The following FASN variants were observed in gnomAD, a reference collection of about 807,000 sequenced individuals.
FASN encodes 3-hydroxyacyl-[acyl-carrier-protein] dehydratase.
In FASN, 50 loss-of-function variants were observed where a neutral mutation model predicts 250.0. The observed-to-expected ratio is 0.20, with a 90% confidence interval of 0.16 to 0.25. The LOEUF is 0.25. Ranked by LOEUF, FASN falls within the 10% of genes least tolerant of loss-of-function variation. The pLI, the probability that FASN is intolerant of heterozygous loss-of-function variation, is 1.00. For missense variants in FASN, 3,031 were observed against 3,498.5 expected (o/e 0.87, Z 3.37); for synonymous variants, 1,909 against 1,584.0 (o/e 1.21, Z -4.87).
rs375895861 is a variant in FASN at position 82,090,850 on chromosome 17, C to T, written c.1680+32G>A. 119 of 1,556,592 alleles carry T rather than the reference C, an allele frequency of 7.6e-5. No individual in the cohort carries two copies. In the East Asian group the frequency reaches 1.3e-3, roughly 17 times the overall value. ...GGGAAAGCCAGAGCCCTGGGGCTGG[C>T]GTTGCTCACACGCTGGCAGGCTGGG... On this transcript the variant is annotated intron_variant, in intron 10 of 42. Coordinates refer to ENST00000306749, the MANE Select transcript of FASN (RefSeq NM_004104.5).
Position 82,082,766 on chromosome 17 carries a change from G to C in FASN, c.5768-88C>G. The C allele has an allele frequency of 1.1e-5, 17 of 1,561,776 alleles. No homozygotes were observed. The South Asian group carries it at 1.6e-4, about 15-fold the overall frequency. On this transcript the variant is annotated intron_variant, in intron 33 of 42. Coordinates refer to ENST00000306749, the MANE Select transcript of FASN (RefSeq NM_004104.5). ...GCTGGGGAAGTGGGGAGCAGCCGCA[G>C]AGCCCCATCCAGCAAGCCCCCCACA...
intron 33 of FASN, 112 bp from the exon 34 acceptor site, chr17:82,082,790 C>T: frequency 1.9e-6 from 3 of 1,551,258 alleles, no homozygotes; most frequent in East Asian, 2.3e-5. Flanking sequence ...AAGCCCCCCA[C>T]AAGATGGAGG....
rs1346789622 is a variant in FASN, at chr17:82,086,558, C to T, written c.3428G>A (p.Gly1143Glu). The T allele has an allele frequency of 1.2e-6, 2 of 1,609,728 alleles. No individual in the cohort carries two copies. The highest frequency in any genetic ancestry group is 2.2e-5 in the East Asian group (1 of 44,876). Residue 1143 changes from glycine to glutamate, a missense_variant and splice_region_variant, in exon 22 of 43, where the codon GGG (glycine) becomes GAG (glutamate). Transcript: ENST00000306749. ...CTTGGTCTGCAGTGCCTGCACCAGCCCTGGGGAGGGAGGGAGGCAGGCCTG... is the reference window on the plus strand; with the variant it reads ...CTTGGTCTGCAGTGCCTGCACCAGCTCTGGGGAGGGAGGGAGGCAGGCCTG... ...ALQEELQLCKGLVQALQTKVT... is the reference protein window; with the variant it reads ...ALQEELQLCKELVQALQTKVT...
Position 82,084,866 on chromosome 17 carries a change from T to C in FASN, c.4497A>G (p.Gly1499=). 1 of 1,550,552 alleles carries C rather than the reference T, an allele frequency of 6.4e-7. No homozygotes were observed. The highest frequency in any genetic ancestry group is 8.7e-7 in the Non-Finnish European group (1 of 1,147,068). ...CGCGGTAGACGTTCATCACCAGGTCTCCCTGCAACACCTTCTGCAGTTCTG... is the reference window on the plus strand; with the variant it reads ...CGCGGTAGACGTTCATCACCAGGTCCCCCTGCAACACCTTCTGCAGTTCTG... The part of the protein sequence containing the change: ...GSAELQKVLQ[G]DLVMNVYRDG... The change falls in exon 26 of 43, where the codon GGA becomes GGG. Residue 1499 remains glycine (G), a synonymous_variant. Coordinates refer to ENST00000306749, the MANE Select transcript of FASN (RefSeq NM_004104.5).
In FASN at chr17:82,082,268, A is replaced by G. The variant is rs376999675; in HGVS notation, c.6011+55T>C. 249 of 1,606,952 alleles carry G rather than the reference A, an allele frequency of 1.5e-4. No individual in the cohort carries two copies. In the African/African-American group the frequency reaches 3.0e-3, roughly 19 times the overall value. On this transcript the variant is annotated intron_variant, in intron 35 of 42. Coordinates refer to ENST00000306749, the MANE Select transcript of FASN (RefSeq NM_004104.5). ...CTGTCAACAAACCACCTTGGCTCCCACGGCCCTGAGCCCAGAGCCCGGCAG... is the reference window on the plus strand; with the variant it reads ...CTGTCAACAAACCACCTTGGCTCCCGCGGCCCTGAGCCCAGAGCCCGGCAG...
intron 12 of FASN, 103 bp from the exon 13 acceptor site, chr17:82,089,487 T>A: frequency 6.3e-7 from 1 of 1,597,088 alleles, no homozygotes. Context: ...CGAGAGGGAA[T>A]GGGCAAGGGA....
rs746574947 is a variant in FASN at position 82,091,628 on chromosome 17, G to A, written c.1086C>T (p.Pro362=). The A allele has an allele frequency of 8.8e-6, 14 of 1,597,234 alleles. No homozygotes were observed. The highest frequency in any genetic ancestry group is 1.2e-5 in the Non-Finnish European group (14 of 1,173,624). Residue 362 remains proline, a synonymous_variant, in exon 9 of 43, where the codon CCC becomes CCT. Coordinates refer to ENST00000306749, the MANE Select transcript of FASN (RefSeq NM_004104.5). ...CCAACAGCGCTGGGATCTCAGGGTT[G>A]GGGCTATGGAAGTGCAGGTTGGGGG... ...LWAPNLHFHS[P]NPEIPALLDG...
Position 82,088,594 on chromosome 17 carries a change from C to T in FASN, c.2421-32G>A, listed in dbSNP as rs199978244. 294 of 1,596,170 alleles carry T rather than the reference C, an allele frequency of 1.8e-4. No homozygotes were observed. In the African/African-American group the frequency reaches 3.5e-3, roughly 19 times the overall value. On this transcript the variant is annotated intron_variant, in intron 15 of 42. Transcript: ENST00000306749. ...AGAAGGGAGGCATGGGTAGCACACC[C>T]GTCACCGGGGTCCAGGGGCTCTGGG...
intron 16 of FASN, 36 bp downstream of exon 16, chr17:82,088,354 G>C (rs1251688475): frequency 6.2e-7 from 1 of 1,611,124 alleles, no homozygotes; most frequent in Non-Finnish European, 8.5e-7. Context: ...TCTGTGGGGA[G>C]GGAAGAGTCT....
chr17:82,089,831 G>A, intron 11 of FASN, 105 bp from the exon 12 acceptor site: 8 of 985,772 alleles, frequency 8.1e-6, no homozygotes, highest in Non-Finnish European at 1.3e-5. Context: ...TGACAAGTGT[G>A]GTAATGGCAG....
At chr17:82,082,237 A>C (rs1415963037) in intron 35 of FASN, 77 bp from the exon 36 acceptor site, 1 of 1,602,822 alleles carries the variant, frequency 6.2e-7, no homozygotes, top group South Asian at 1.1e-5. Context: ...GAAACGCCAG[A>C]GAGGGCTGTC....
Position 82,079,079 on chromosome 17 carries a change from GGGGGT to G in FASN, c.*59_*63del, listed in dbSNP as rs1187942234. The G allele has an allele frequency of 1.0e-4, 155 of 1,492,214 alleles. No homozygotes were observed. The highest frequency in any genetic ancestry group is 3.5e-4 in the Admixed American group (18 of 50,992). The allele number at this position is 1,492,214 out of a possible 1,614,324, so 92.4% of individuals were successfully genotyped here. Reference sequence around the variant, plus strand: ...GGACCCTTCAATCCCGTTGCATGGCGGGGGTGGGGTGGGGTGGGGTGGGGATGGTG... The same window carrying G: ...GGACCCTTCAATCCCGTTGCATGGCGGGGGTGGGGTGGGGTGGGGATGGTG... On this transcript the variant is annotated 3_prime_UTR_variant, in exon 43 of 43. Transcript: ENST00000306749.
rs529587922 is a variant in FASN, at chr17:82,083,315, T to C, written c.5452A>G (p.Ile1818Val). Residue 1818 changes from isoleucine (I) to valine (V), a missense_variant, in exon 32 of 43, where the codon ATC becomes GTC. Coordinates refer to ENST00000306749, the MANE Select transcript of FASN (RefSeq NM_004104.5). Reference sequence around the variant, plus strand: ...AGGGGCCGTACCACCCCATCCCGGATGCCGGCCTGCACAAGCGCCCACACC... The same window carrying C: ...AGGGGCCGTACCACCCCATCCCGGACGCCGGCCTGCACAAGCGCCCACACC... The part of the protein sequence containing the change: ...REVWALVQAG[I>V]RDGVVRPLKC... 6.2e-7 allele frequency: 1 copy of C among 1,612,720 alleles called. No homozygotes were observed. Among genetic ancestry groups the C allele is most frequent in the South Asian group, 1.1e-5 (1 of 91,082 alleles).
rs2144801452 is a variant in FASN, at chr17:82,090,564, T to C, written c.1681A>G (p.Ile561Val). 6 of 1,610,304 alleles carry C rather than the reference T, an allele frequency of 3.7e-6. No homozygotes were observed. Among genetic ancestry groups the C allele is most frequent in the Non-Finnish European group, 5.1e-6 (6 of 1,178,722 alleles). ...HSFVSLTAIQ[I>V]GLIDLLSCMG... ...CAGCTCAGCAGGTCTATGAGGCCTA[T>C]CTGGGGTGGGAACAGGACACTCAGG... The change falls in exon 11 of 43, where the codon ATA (isoleucine) becomes GTA (valine). Residue 561 changes from isoleucine (I) to valine (V), a missense_variant and splice_region_variant. Physicochemically the swap from Ile to Val is conservative, Grantham distance 29. Coordinates refer to ENST00000306749, the MANE Select transcript of FASN (RefSeq NM_004104.5).
At position 82,082,684 on chromosome 17, in the gene FASN, G is replaced by A. The variant is rs2034012304; in HGVS notation, c.5768-6C>T. ...GACCTGCTTGGCCTGGTAGCCTGCG[G>A]GACACAGGACTGTGGGCTGGACTGG... On this transcript the variant is annotated splice_polypyrimidine_tract_variant and splice_region_variant and intron_variant, in intron 33 of 42. Coordinates refer to ENST00000306749, the MANE Select transcript of FASN (RefSeq NM_004104.5). 2 of 1,607,450 alleles carry A rather than the reference G, an allele frequency of 1.2e-6. No homozygotes were observed. Among genetic ancestry groups the A allele is most frequent in the Non-Finnish European group, 1.7e-6 (2 of 1,179,786 alleles).
At position 82,093,035 on chromosome 17, in the gene FASN, C is replaced by T. The variant is rs764122639; in HGVS notation, c.656-16G>A. 6.2e-6 allele frequency: 10 copies of T among 1,611,074 alleles called. No homozygotes were observed. The East Asian group carries it at 2.0e-4, about 32-fold the overall frequency. On this transcript the variant is annotated splice_polypyrimidine_tract_variant and intron_variant, in intron 5 of 42. Coordinates refer to ENST00000306749, the MANE Select transcript of FASN (RefSeq NM_004104.5). ...TACCCATTCCCTGGGTAGAGCAGCACCTCAGGCCCGGGGCTCAGCCCCACG... is the reference window on the plus strand; with the variant it reads ...TACCCATTCCCTGGGTAGAGCAGCATCTCAGGCCCGGGGCTCAGCCCCACG...
rs753275972 is a variant in FASN, at chr17:82,092,498, A to G, written c.986T>C (p.Met329Thr). 8 of 1,598,406 alleles carry G rather than the reference A, an allele frequency of 5.0e-6. No individual in the cohort carries two copies. The East Asian group carries it at 6.8e-5, about 14-fold the overall frequency. Residue 329 changes from methionine (M) to threonine (T), a missense_variant, in exon 8 of 43, where the codon ATG becomes ACG. Coordinates refer to ENST00000306749, the MANE Select transcript of FASN (RefSeq NM_004104.5). ...PLLIGSTKSN[M>T]GHPEPASGLA... Reference sequence around the variant, plus strand: ...CCCCGAGGCTGGCTCCGGGTGCCCCATGTTGGACTTGGTGGAGCCGATGAG... The same window carrying G: ...CCCCGAGGCTGGCTCCGGGTGCCCCGTGTTGGACTTGGTGGAGCCGATGAG...
At position 82,091,569 on chromosome 17, in the gene FASN, G is replaced by A. The variant is rs935989284; in HGVS notation, c.1145C>T (p.Pro382Leu). Residue 382 changes from proline to leucine, a missense_variant, in exon 9 of 43, where the codon CCC (proline) becomes CTC (leucine). Transcript: ENST00000306749. The part of the protein sequence containing the change: ...GRLQVVDQPL[P>L]VRGGNVGINS... ...GATGCCCACGTTGCCGCCACGGACG[G>A]GCAGGGGCTGGTCCACCACCTGCAG... 6.9e-6 allele frequency: 11 copies of A among 1,588,280 alleles called. No homozygotes were observed. The highest frequency in any genetic ancestry group is 1.3e-5 in the African/African-American group (1 of 74,564).
chr17:82,078,838 A>G lies in FASN; in HGVS notation c.*305T>C. On this transcript the variant is annotated 3_prime_UTR_variant, in exon 43 of 43. Coordinates refer to ENST00000306749, the MANE Select transcript of FASN (RefSeq NM_004104.5). This position sits in a 1 kb window ranked among gnomAD's most constrained non-coding sequence, Gnocchi z 5.4. Reference sequence around the variant, plus strand: ...AATAAATATGCAAATCCAAGCACAGAAAGACCAAGCGCAGACCCCACGGGC... The same window carrying G: ...AATAAATATGCAAATCCAAGCACAGGAAGACCAAGCGCAGACCCCACGGGC... 2.0e-6 allele frequency: 1 copy of G among 509,156 alleles called. No homozygotes were observed. Among genetic ancestry groups the G allele is most frequent in the Non-Finnish European group, 3.6e-6 (1 of 278,534 alleles). 31.5% of individuals were successfully genotyped at this position (509,156 alleles called of 1,614,324 possible).
Sources: gnomAD v4.1 joint callset for allele counts on GRCh38, gnomAD v4.1.1 for gene constraint, Gnocchi (gnomAD v3.1) non-coding constraint, MANE v1.5 for transcripts, NCBI Gene and HGNC (gene_info 2026-07-23, HGNC 2026-07-21) for gene names.